Variants in ZNRF3 observed in about 807,000 individuals in gnomAD.
ZNRF3 encodes E3 ubiquitin-protein ligase ZNRF3.
In ZNRF3, 23 loss-of-function variants were observed where a neutral mutation model predicts 72.5. The ratio of observed to expected loss-of-function variants is 0.32; its 90% confidence interval spans 0.23 to 0.45. ZNRF3 has a LOEUF of 0.45. Among genes scored for constraint, ZNRF3 ranks in the 20% least tolerant of loss-of-function variants. ZNRF3 has a pLI of 1.00. For synonymous variants in ZNRF3, 610 were observed against 545.3 expected (o/e 1.12, Z -1.65); for missense variants, 1,169 against 1,272.1 (o/e 0.92, Z 1.23).
intron 5 of ZNRF3, 120 bp from the exon 6 acceptor site, chr22:29,046,596 T>G: frequency 8.7e-7 from 1 of 1,153,132 alleles, no homozygotes; most frequent in Non-Finnish European, 1.2e-6. Flanking sequence ...TTCTCAGAAG[T>G]CTGTTCCGGC....
At position 29,050,224 on chromosome 22, in the gene ZNRF3, T is replaced by C. The variant is rs781069038; in HGVS notation, c.2043T>C (p.Ser681=). 1 of 1,599,804 alleles carries C rather than the reference T, an allele frequency of 6.3e-7. No individual in the cohort carries two copies. Among genetic ancestry groups the C allele is most frequent in the Non-Finnish European group, 8.5e-7 (1 of 1,179,542 alleles). ...SSLEHRGPNS[S]TSEVGLEASP... ...TGGAGCACAGGGGGCCCAATAGCTCTACCTCAGAAGTGGGGCTCGAGGCTT... is the reference window on the plus strand; with the variant it reads ...TGGAGCACAGGGGGCCCAATAGCTCCACCTCAGAAGTGGGGCTCGAGGCTT... Residue 681 remains serine, a synonymous_variant, in exon 8 of 9, where the codon TCT becomes TCC. Coordinates refer to ENST00000544604, the MANE Select transcript of ZNRF3 (RefSeq NM_001206998.2).
intron 2 of ZNRF3, among the ~76,000 whole-genome samples, chr22:28,994,819 T>TA (rs1212024462): frequency 6.6e-6 from 1 of 152,014 alleles, no homozygotes; most frequent in Non-Finnish European, 1.5e-5. Context: ...GCAGTGGGTA[T>TA]AAAAAAAATA....
intron 2 of ZNRF3, among the ~76,000 whole-genome samples, chr22:28,988,036 T>C (rs1467791023): frequency 4.6e-5 from 7 of 152,186 alleles, no homozygotes; most frequent in Non-Finnish European, 1.0e-4. Context: ...AAGATAGAAA[T>C]AAATTTACTT....
chr22:29,049,117 TG>T lies in ZNRF3; in HGVS notation c.1016-79del. 6.9e-7 allele frequency: 1 copy of T among 1,456,864 alleles called. No individual in the cohort carries two copies. Among genetic ancestry groups the T allele is most frequent in the Non-Finnish European group, 9.3e-7 (1 of 1,079,736 alleles). 90.2% of individuals were successfully genotyped at this position (1,456,864 alleles called of 1,614,324 possible). A position where few individuals can be genotyped will look rare whatever the true frequency, so the allele number is the denominator to read the frequency against. ...TGACCAAGCCTGCTGCTTCAGCCTT[TG>T]CCCGTTTTAAAAATCCCTTTAGCCT... is the stretch of plus-strand genomic sequence containing the variant. On this transcript the variant is annotated intron_variant, in intron 7 of 8. Coordinates refer to ENST00000544604, the MANE Select transcript of ZNRF3 (RefSeq NM_001206998.2). This position sits in a 1 kb window ranked among gnomAD's most constrained non-coding sequence, Gnocchi z 5.2.
chr22:28,978,571 G>C (rs2035713393), intron 1 of ZNRF3, among the ~76,000 whole-genome samples: 1 of 152,162 alleles, frequency 6.6e-6, no homozygotes, highest in Admixed American at 6.6e-5. Flanking sequence ...GAATCTGCTG[G>C]AACACTTGGA....
intron 1 of ZNRF3, among the ~76,000 whole-genome samples, chr22:28,912,777 G>T (rs2034342613): frequency 6.7e-6 from 1 of 149,674 alleles, no homozygotes; most frequent in South Asian, 2.1e-4. Flanking sequence ...TGATTCTCCT[G>T]CCTCAGCCTC....
At chr22:29,034,999 CTTTTTTTT>C (rs10607848) in intron 2 of ZNRF3, among the ~76,000 whole-genome samples, 1 of 131,224 alleles carries the variant, frequency 7.6e-6, no homozygotes, top group South Asian at 2.4e-4. Flanking sequence ...TTTGTTAGAC[CTTTTTTTT>C]TTTTTTTTTT....
chr22:29,042,639 T>A, intron 3 of ZNRF3, 70 bp downstream of exon 3: 1 of 1,401,164 alleles, frequency 7.1e-7, no homozygotes, highest in Non-Finnish European at 1.0e-6. Flanking sequence ...GAGCTTGGCT[T>A]GTCCCGGTCA....
chr22:28,971,814 CTCCCACCTCAGCCT>C (rs2035580860), intron 1 of ZNRF3, among the ~76,000 whole-genome samples: 1 of 152,142 alleles, frequency 6.6e-6, no homozygotes, highest in Non-Finnish European at 1.5e-5. Context: ...ATAAGCAATC[CTCCCACCTCAGCCT>C]CCCAAGCAGC....
intron 1 of ZNRF3, among the ~76,000 whole-genome samples, chr22:28,891,721 G>C (rs1403608345): frequency 6.6e-6 from 1 of 152,230 alleles, no homozygotes; most frequent in African/African-American, 2.4e-5. Context: ...GTGGAATTTA[G>C]AGTTGAGTTT....
chr22:29,019,969 G>A (rs140185778), intron 2 of ZNRF3, among the ~76,000 whole-genome samples: 2 of 151,602 alleles, frequency 1.3e-5, no homozygotes, highest in African/African-American at 4.8e-5. Flanking sequence ...ATGAAATATA[G>A]TTGTCCCCTC....
chr22:29,034,692 A>G (rs2036832937), intron 2 of ZNRF3, among the ~76,000 whole-genome samples: 1 of 152,228 alleles, frequency 6.6e-6, no homozygotes, highest in African/African-American at 2.4e-5. Context: ...CTATAGAGAT[A>G]TGAGGCAAGT....
At chr22:29,053,127 A>T (rs1050756202) in intron 8 of ZNRF3, among the ~76,000 whole-genome samples, 3 of 151,938 alleles carry the variant, frequency 2.0e-5, no homozygotes, top group Non-Finnish European at 4.4e-5. Flanking sequence ...TCCAGCCCCC[A>T]GACCTGTCCG....
Position 29,050,151 on chromosome 22 carries a change from A to C in ZNRF3, c.1970A>C (p.Gln657Pro), listed in dbSNP as rs761053399. 1 of 1,604,632 alleles carries C rather than the reference A, an allele frequency of 6.2e-7. No homozygotes were observed. The highest frequency in any genetic ancestry group is 8.5e-7 in the Non-Finnish European group (1 of 1,179,844). ...GGCCCTGCCTCTCCCTCGGGGGATC[A>C]GGTGTCCACCTGCAGCCTGGAGATG... ...WPGPASPSGDQVSTCSLEMNY... is the reference protein window; with the variant it reads ...WPGPASPSGDPVSTCSLEMNY... The change falls in exon 8 of 9, where the codon CAG (glutamine) becomes CCG (proline). Residue 657 changes from glutamine to proline, a missense_variant. Around this residue, in one of 2 missense-constraint regions of ZNRF3, gnomAD observed 783 missense variants for 731.4 expected, o/e 1.07. Transcript: ENST00000544604.
intron 1 of ZNRF3, among the ~76,000 whole-genome samples, chr22:28,962,381 AG>A (rs2035377414): frequency 6.6e-6 from 1 of 152,172 alleles, no homozygotes; most frequent in South Asian, 2.1e-4. Flanking sequence ...TGGAGTGCAG[AG>A]GGGTGCAATG....
chr22:29,006,527 G>T (rs2036252022), intron 2 of ZNRF3, among the ~76,000 whole-genome samples: 1 of 152,050 alleles, frequency 6.6e-6, no homozygotes, highest in South Asian at 2.1e-4. Context: ...GGGCTCTTTT[G>T]ACTCCTGATA....
chr22:28,952,130 G>C (rs551412237), intron 1 of ZNRF3, among the ~76,000 whole-genome samples: 1 of 152,362 alleles, frequency 6.6e-6, no homozygotes, highest in South Asian at 2.1e-4. Context: ...CAAGAAAAGC[G>C]AGCTGCTGGA....
chr22:28,938,773 T>C (rs1190167513), intron 1 of ZNRF3, among the ~76,000 whole-genome samples: 4 of 152,182 alleles, frequency 2.6e-5, no homozygotes, highest in East Asian at 3.8e-4. Context: ...CAAATGATTA[T>C]GTGATAAGTA....
intron 1 of ZNRF3, among the ~76,000 whole-genome samples, chr22:28,922,742 C>T (rs1445039259): frequency 1.3e-5 from 2 of 152,188 alleles, no homozygotes; most frequent in Non-Finnish European, 2.9e-5. Flanking sequence ...GGCCCATGTC[C>T]GTTTCCCAGT....
Sources: gnomAD v4.1 joint callset for allele counts (sites outside exome capture counted in the v4.1 genomes callset) on GRCh38, gnomAD v4.1.1 for gene constraint, gnomAD v4.1.1 regional missense constraint, Gnocchi (gnomAD v3.1) non-coding constraint, MANE v1.5 for transcripts, NCBI Gene and HGNC (gene_info 2026-07-23, HGNC 2026-07-21) for gene names.